Variants in COX16 observed in about 807,000 individuals in gnomAD.
The protein encoded by COX16 is cytochrome c oxidase assembly factor COX16.
Under a neutral mutation model 15.4 loss-of-function variants are expected in COX16, and 12 were observed. The observed-to-expected ratio is 0.78, with a 90% confidence interval of 0.50 to 1.26. The LOEUF is 1.26. Ranked by LOEUF, COX16 falls within the 50% of genes most tolerant of loss-of-function variation. The probability of loss-of-function intolerance (pLI) is 0.00; values close to 1 mark genes in which losing one functional copy is unlikely to be tolerated. For missense variants in COX16, 124 were observed against 127.6 expected, an observed-to-expected ratio of 0.97 and a Z score of 0.14; for synonymous variants, 46 against 41.1, an observed-to-expected ratio of 1.12 and a Z score of -0.46.
chr14:70,346,297 C>T (rs1042130581), intron 1 of COX16, among the ~76,000 whole-genome samples: 1 of 152,160 alleles, frequency 6.6e-6, no homozygotes, highest in Non-Finnish European at 1.5e-5. Flanking sequence ...CAAAAACAGG[C>T]GGAGTTTCAA....
chr14:70,347,698 T>C (rs772334147), intron 1 of COX16, among the ~76,000 whole-genome samples: 6 of 152,248 alleles, frequency 3.9e-5, no homozygotes, highest in Admixed American at 1.3e-4. Flanking sequence ...GGGTCTCCCC[T>C]AAGAAAGCAC....
At chr14:70,350,104 C>G (rs1009897718) in intron 1 of COX16, among the ~76,000 whole-genome samples, 4 of 152,212 alleles carry the variant, frequency 2.6e-5, no homozygotes, top group Admixed American at 2.6e-4. Context: ...ATGTAAGATT[C>G]TCCCCGGGGC....
At position 70,359,629 on chromosome 14, in the gene COX16, G is replaced by A. The variant is rs752422912; in HGVS notation, c.-42C>T. The A allele has an allele frequency of 1.6e-5, 25 of 1,579,250 alleles. No homozygotes were observed. Among genetic ancestry groups the A allele is most frequent in the Non-Finnish European group, 2.0e-5 (23 of 1,148,734 alleles). ...CGGCTCAGAACTCCAAGCGGGCCTA[G>A]CGCAGACTCCCAAATCTCAGCAGCT... On this transcript the variant is annotated 5_prime_UTR_variant, in exon 1 of 4. Transcript: ENST00000389912.
At chr14:70,340,997 A>G (rs958089868) in intron 2 of COX16, among the ~76,000 whole-genome samples, 3 of 152,196 alleles carry the variant, frequency 2.0e-5, no homozygotes, top group African/African-American at 7.2e-5. Context: ...TATAAACTTT[A>G]TAAGTACTAG....
At chr14:70,356,444 C>A (rs1486396428) in intron 1 of COX16, among the ~76,000 whole-genome samples, 4 of 152,270 alleles carry the variant, frequency 2.6e-5, no homozygotes, top group Admixed American at 1.3e-4. Context: ...CCTAACAGGC[C>A]ACAAACCAGT....
chr14:70,352,205 G>A (rs1886975800), intron 1 of COX16, among the ~76,000 whole-genome samples: 1 of 151,576 alleles, frequency 6.6e-6, no homozygotes, highest in Non-Finnish European at 1.5e-5. Flanking sequence ...TTTATTTTTT[G>A]AGACCAAGTC....
At chr14:70,329,438 C>T (rs1886208711) in intron 2 of COX16, among the ~76,000 whole-genome samples, 2 of 151,962 alleles carry the variant, frequency 1.3e-5, no homozygotes, top group South Asian at 4.1e-4. Flanking sequence ...TTAATATCTA[C>T]TGATTACTTG....
chr14:70,346,390 T>C (rs4902814), intron 1 of COX16, among the ~76,000 whole-genome samples: 117,025 of 152,194 alleles, frequency 0.77, 45,163 homozygotes, highest in East Asian at 0.93. Flanking sequence ...CTACCTCCAC[T>C]TGGCACCTTT....
At chr14:70,345,286 C>T (rs574181458) in intron 1 of COX16, among the ~76,000 whole-genome samples, 10 of 152,350 alleles carry the variant, frequency 6.6e-5, no homozygotes, top group Non-Finnish European at 7.3e-5. Context: ...TCCAAGAAGG[C>T]GCCGGCGTGT....
Position 70,359,667 on chromosome 14 carries a change from A to G in COX16, c.-80T>C, listed in dbSNP as rs990176002. On this transcript the variant is annotated 5_prime_UTR_variant, in exon 1 of 4. Transcript: ENST00000389912. ...AATCTCAGCAGCTCACGCTCTCACCAAGACGAGTACGTCCTTAACTCACTT... is the reference window on the plus strand; with the variant it reads ...AATCTCAGCAGCTCACGCTCTCACCGAGACGAGTACGTCCTTAACTCACTT... 2 of 1,256,458 alleles carry G rather than the reference A, an allele frequency of 1.6e-6. No homozygotes were observed. The highest frequency in any genetic ancestry group is 2.3e-6 in the Non-Finnish European group (2 of 859,408). The allele number at this position is 1,256,458 out of a possible 1,614,324, so 77.8% of individuals were successfully genotyped here.
intron 2 of COX16, 115 bp from the exon 3 acceptor site, chr14:70,329,351 G>T: frequency 6.6e-6 from 5 of 760,426 alleles, no homozygotes; most frequent in Non-Finnish European, 9.9e-6. Flanking sequence ...CAAACACATG[G>T]CAAAATCTCC....
At chr14:70,338,170 A>G (rs1307751011) in intron 2 of COX16, among the ~76,000 whole-genome samples, 4 of 152,140 alleles carry the variant, frequency 2.6e-5, no homozygotes, top group Non-Finnish European at 4.4e-5. Context: ...CTGGAGTGCA[A>G]TGGCACGATC....
intron 2 of COX16, among the ~76,000 whole-genome samples, chr14:70,337,616 G>A (rs954511024): frequency 2.0e-5 from 3 of 151,932 alleles, no homozygotes; most frequent in African/African-American, 7.2e-5. Context: ...AAAAACAAGA[G>A]AAAAATAAAG....
At chr14:70,334,482 A>C (rs957738481) in intron 2 of COX16, among the ~76,000 whole-genome samples, 21 of 152,200 alleles carry the variant, frequency 1.4e-4, no homozygotes, top group South Asian at 2.1e-4. Flanking sequence ...GCACCACTGC[A>C]CTCCAGCCTA....
chr14:70,346,941 C>A (rs762051921), intron 1 of COX16, among the ~76,000 whole-genome samples: 2 of 152,090 alleles, frequency 1.3e-5, no homozygotes, highest in African/African-American at 4.8e-5. Context: ...CAACCCAGAC[C>A]CCTCGGGGCA....
chr14:70,348,383 C>T (rs1264380743), intron 1 of COX16, among the ~76,000 whole-genome samples: 1 of 152,174 alleles, frequency 6.6e-6, no homozygotes, highest in Non-Finnish European at 1.5e-5. Flanking sequence ...CCCTGCCATG[C>T]TCTTTCCTGA....
At chr14:70,356,014 T>G (rs970323601) in intron 1 of COX16, among the ~76,000 whole-genome samples, 9 of 152,076 alleles carry the variant, frequency 5.9e-5, no homozygotes, top group African/African-American at 1.9e-4. Flanking sequence ...GGAAGCAGCT[T>G]GAGGCCCGCA....
At chr14:70,352,575 T>G (rs1886987807) in intron 1 of COX16, among the ~76,000 whole-genome samples, 1 of 111,722 alleles carries the variant, frequency 9.0e-6, no homozygotes, top group Admixed American at 9.8e-5. Flanking sequence ...ACATAATGCA[T>G]ATTACATACA....
intron 1 of COX16, among the ~76,000 whole-genome samples, chr14:70,352,781 G>T (rs1354415867): frequency 6.7e-6 from 1 of 149,616 alleles, no homozygotes. Context: ...AACTACATTT[G>T]TTTTTGTACA....
Sources: gnomAD v4.1 joint callset for allele counts (sites outside exome capture counted in the v4.1 genomes callset) on GRCh38, gnomAD v4.1.1 for gene constraint, MANE v1.5 for transcripts, NCBI Gene and HGNC (gene_info 2026-07-23, HGNC 2026-07-21) for gene names.